Variants in AKAP13 observed in about 807,000 individuals in gnomAD.
AKAP13 encodes the protein A-kinase anchoring protein 13.
A neutral mutation model predicts 264.5 loss-of-function variants in AKAP13; 80 were observed. That is an observed-to-expected ratio of 0.30 (90% CI 0.25 to 0.36). The LOEUF is 0.36. Among genes scored for constraint, AKAP13 ranks in the 10% least tolerant of loss-of-function variants. The pLI is 1.00. For synonymous variants in AKAP13, 1,380 were observed against 1,250.2 expected (o/e 1.10, Z -2.19); for missense variants, 3,712 against 3,435.2 (o/e 1.08, Z -2.01).
chr15:85,685,602 C>T (rs1223529315), intron 16 of AKAP13, among the ~76,000 whole-genome samples: 1 of 151,992 alleles, frequency 6.6e-6, no homozygotes, highest in African/African-American at 2.4e-5. Context: ...TCCTGCCTCG[C>T]ACCGTAGCCT....
chr15:85,382,270 CAG>C (rs1195029585), intron 1 of AKAP13: 1 of 152,190 alleles, frequency 6.6e-6, no homozygotes, highest in Non-Finnish European at 1.5e-5. Flanking sequence ...TCAGTTTGCT[CAG>C]AGTGATTTCT....
intron 9 of AKAP13, among the ~76,000 whole-genome samples, chr15:85,644,693 C>CAAAAAAAA (rs1161365911): frequency 0.032 from 3,314 of 103,664 alleles, no homozygotes; most frequent in Non-Finnish European, 0.042. Flanking sequence ...ACTAAAAATA[C>CAAAAAAAA]AAAAAAAAAA....
chr15:85,565,391 G>A (rs2078570686), intron 5 of AKAP13, among the ~76,000 whole-genome samples: 1 of 152,168 alleles, frequency 6.6e-6, no homozygotes. Context: ...TTCACCAACT[G>A]AAACAACCAG....
chr15:85,458,234 C>G (rs542587955), intron 1 of AKAP13, among the ~76,000 whole-genome samples: 1 of 151,106 alleles, frequency 6.6e-6, no homozygotes, highest in African/African-American at 2.4e-5. Flanking sequence ...ATGTTTGTTA[C>G]GGAAATTCTG....
intron 8 of AKAP13, among the ~76,000 whole-genome samples, chr15:85,628,096 A>G (rs1441069888): frequency 6.6e-6 from 1 of 152,152 alleles, no homozygotes. Context: ...CTTATAGGCC[A>G]TGGTTTGTGG....
intron 1 of AKAP13, among the ~76,000 whole-genome samples, chr15:85,466,973 C>A (rs1402496995): frequency 2.0e-5 from 3 of 151,746 alleles, no homozygotes; most frequent in African/African-American, 7.3e-5. Context: ...TTGGTGGGTT[C>A]CCAGCATGGA....
intron 5 of AKAP13, among the ~76,000 whole-genome samples, chr15:85,567,441 G>C (rs1330368396): frequency 6.6e-6 from 1 of 152,192 alleles, no homozygotes; most frequent in Non-Finnish European, 1.5e-5. Context: ...ATATTTTGTA[G>C]TAGTGGTGAC....
chr15:85,388,781 A>ATTTT (rs1404305636), intron 1 of AKAP13, among the ~76,000 whole-genome samples: 1 of 152,040 alleles, frequency 6.6e-6, no homozygotes, highest in Non-Finnish European at 1.5e-5. Flanking sequence ...CGTTATGTTC[A>ATTTT]TTTTAAAAAT....
At chr15:85,486,825 G>A (rs775733219) in intron 2 of AKAP13, among the ~76,000 whole-genome samples, 10 of 141,794 alleles carry the variant, frequency 7.1e-5, no homozygotes, top group Non-Finnish European at 1.2e-4. Flanking sequence ...TGCGAGCTCC[G>A]CCTCCCAGGT....
intron 14 of AKAP13, among the ~76,000 whole-genome samples, chr15:85,674,943 A>T (rs541105340): frequency 3.3e-5 from 5 of 152,130 alleles, no homozygotes; most frequent in Non-Finnish European, 4.4e-5. Flanking sequence ...ATGTAATCAG[A>T]CTTCTTTTTG....
rs1428991214 is a variant in AKAP13, at chr15:85,693,404, G to C, written c.5417G>C (p.Ser1806Thr). 1 of 1,613,856 alleles carries C rather than the reference G, an allele frequency of 6.2e-7. No individual in the cohort carries two copies. Among genetic ancestry groups the C allele is most frequent in the South Asian group, 1.1e-5 (1 of 90,994 alleles). The change falls in exon 17 of 37, where the codon AGC (serine) becomes ACC (threonine). Residue 1806 changes from serine (S) to threonine (T), a missense_variant. Around this residue, in one of 3 missense-constraint regions of AKAP13, gnomAD observed 2,759 missense variants for 2,411.7 expected, o/e 1.14. Coordinates refer to ENST00000394518, the MANE Select transcript of AKAP13 (RefSeq NM_007200.5). ...CCTGTTGTGGGTCCCATCAGCTGTA[G>C]CCAGTGTATGAAGCCCTTCACCAAC... is the stretch of plus-strand genomic sequence containing the variant. Reference protein sequence around the residue: ...SIPVVGPISCSQCMKPFTNKD... With the variant: ...SIPVVGPISCTQCMKPFTNKD...
chr15:85,700,008 C>G (rs1044417132), intron 17 of AKAP13, among the ~76,000 whole-genome samples: 2 of 152,202 alleles, frequency 1.3e-5, no homozygotes, highest in African/African-American at 4.8e-5. Flanking sequence ...CTTTCCATGA[C>G]TAGCTCCAGA....
chr15:85,427,727 GT>G, intron 1 of AKAP13, among the ~76,000 whole-genome samples: 1 of 152,270 alleles, frequency 6.6e-6, no homozygotes. Flanking sequence ...TACAAAACCA[GT>G]TATGGAAATA....
chr15:85,537,485 A>G (rs1488134330), intron 4 of AKAP13, among the ~76,000 whole-genome samples: 2 of 152,210 alleles, frequency 1.3e-5, no homozygotes, highest in African/African-American at 4.8e-5. Context: ...AGTGCTTTTT[A>G]GCTTTCTTCA....
rs34959673 is a variant in AKAP13, at chr15:85,746,158, TAAAAAA to T, written c.*1483_*1488del. The T allele has an allele frequency of 2.2e-4, 33 of 152,626 alleles. No homozygotes were observed. The highest frequency in any genetic ancestry group is 7.5e-4 in the African/African-American group (31 of 41,538). The allele number at this position is 152,626 out of a possible 1,614,324, so 9.5% of individuals were successfully genotyped here. ...GAAGCATGGGGCTTTTGAGCACACT[TAAAAAA>T]AGAAAAATCTGTAACTTGGTGCTTA... On this transcript the variant is annotated 3_prime_UTR_variant, in exon 37 of 37. Transcript: ENST00000394518.
At chr15:85,643,672 T>C (rs1356860129) in intron 9 of AKAP13, among the ~76,000 whole-genome samples, 1 of 152,236 alleles carries the variant, frequency 6.6e-6, no homozygotes. Context: ...TAGTCATTAC[T>C]TTATAGGCCA....
rs76782284 is a variant in AKAP13 at position 85,424,804 on chromosome 15, T to C, written c.-12+44006T>C. On this transcript the variant is annotated intron_variant, in intron 1 of 36. Coordinates refer to ENST00000394518, the MANE Select transcript of AKAP13 (RefSeq NM_007200.5). ...AGAGATGTGTGATTCTTCCTTTCAC[T>C]TGAACACTTAGAAGCCATCATGGGG... Among the ~76,000 whole-genome samples, 93 of 152,316 alleles carry C rather than the reference T, an allele frequency of 6.1e-4. 1 individual carries two copies. In the Middle Eastern group the frequency reaches 0.017, roughly 28 times the overall value.
At chr15:85,552,576 T>A (rs1001438860) in intron 5 of AKAP13, among the ~76,000 whole-genome samples, 2 of 151,800 alleles carry the variant, frequency 1.3e-5, no homozygotes, top group Admixed American at 1.3e-4. Flanking sequence ...CTAACACTTT[T>A]AAAAATACAT....
intron 1 of AKAP13, among the ~76,000 whole-genome samples, chr15:85,403,700 G>A (rs535779700): frequency 6.6e-6 from 1 of 152,004 alleles, no homozygotes; most frequent in South Asian, 2.1e-4. Flanking sequence ...AATTAGCCGG[G>A]CGTGGTGGCG....
Sources: gnomAD v4.1 joint callset for allele counts (sites outside exome capture counted in the v4.1 genomes callset) on GRCh38, gnomAD v4.1.1 for gene constraint, gnomAD v4.1.1 regional missense constraint, MANE v1.5 for transcripts, NCBI Gene and HGNC (gene_info 2026-07-23, HGNC 2026-07-21) for gene names.